Variants in GTF3C1 observed in about 807,000 individuals in gnomAD.
The protein encoded by GTF3C1 is general transcription factor IIIC subunit 1, also known as general transcription factor 3C polypeptide 1.
GTF3C1 carries 57 observed loss-of-function variants against 226.7 expected under a neutral mutation model. That is an observed-to-expected ratio of 0.25 (90% CI 0.20 to 0.31). The LOEUF is 0.31. Among genes scored for constraint, GTF3C1 ranks in the 10% least tolerant of loss-of-function variants. GTF3C1 has a pLI of 1.00. For missense variants in GTF3C1, 2,217 were observed against 2,776.1 expected, an observed-to-expected ratio of 0.80 and a Z score of 4.53; for synonymous variants, 1,090 against 1,084.8, an observed-to-expected ratio of 1.00 and a Z score of -0.09.
In GTF3C1 at chr16:27,482,890, C is replaced by A. The variant is rs1001921399; in HGVS notation, c.4083+154G>T. 2.6e-5 allele frequency among the ~76,000 whole-genome samples: 4 copies of A among 152,322 alleles called. No homozygotes were observed. The South Asian group carries it at 8.3e-4, about 32-fold the overall frequency. On this transcript the variant is annotated intron_variant, in intron 26 of 36. Coordinates refer to ENST00000356183, the MANE Select transcript of GTF3C1 (RefSeq NM_001520.4). ...AAGCCAGATCAAGTGAAGGCCAACA[C>A]CAGAGAGCTGACTCGGTGATTTCTC...
intron 1 of GTF3C1, 78 bp from the exon 2 acceptor site, chr16:27,545,601 C>A (rs2089151229): frequency 1.1e-5 from 9 of 808,688 alleles, no homozygotes; most frequent in South Asian, 1.0e-4. Flanking sequence ...CTTTTGACAA[C>A]CTCCAGCAGA....
At position 27,508,590 on chromosome 16, in the gene GTF3C1, GT is replaced by G; in HGVS notation, c.1191del (p.Lys397AsnfsTer2). On this transcript the variant is annotated frameshift_variant, in exon 8 of 37. Coordinates refer to ENST00000356183, the MANE Select transcript of GTF3C1 (RefSeq NM_001520.4). LOFTEE classifies it high-confidence loss of function. ...AEIRVAMNVGKLEARMLCRLL... is the reference protein window; with the variant it reads ...AEIRVAMNVGXLEARMLCRLL... ...AGTCGGCACAGCATTCTTGCTTCTA[GT>G]TTTCCCACATTCATAGCCACTCGGA... 1 of 1,614,160 alleles carries G rather than the reference GT, an allele frequency of 6.2e-7. No homozygotes were observed. The highest frequency in any genetic ancestry group is 8.5e-7 in the Non-Finnish European group (1 of 1,179,998).
Position 27,465,325 on chromosome 16 carries a change from T to G in GTF3C1, c.5290A>C (p.Arg1764=), listed in dbSNP as rs1047190781. ...CFGIDKEELR[R]RFSALEKAGG... The stretch of plus-strand genomic sequence containing the variant: ...GCCTTCTCCAAGGCCGAGAACCGTC[T>G]GCGCAGCTCCTCCTTGTCAATCCCA... Residue 1764 remains arginine, a synonymous_variant, in exon 33 of 37, where the codon AGA becomes CGA. Coordinates refer to ENST00000356183, the MANE Select transcript of GTF3C1 (RefSeq NM_001520.4). 6 of 1,614,154 alleles carry G rather than the reference T, an allele frequency of 3.7e-6. No homozygotes were observed. The highest frequency in any genetic ancestry group is 4.2e-6 in the Non-Finnish European group (5 of 1,180,008).
intron 10 of GTF3C1, among the ~76,000 whole-genome samples, chr16:27,504,275 C>A (rs2088451104): frequency 6.6e-6 from 1 of 152,136 alleles, no homozygotes. Context: ...GACTTTAAGA[C>A]CTGGTGGGAA....
chr16:27,518,738 T>C (rs747808053), intron 6 of GTF3C1, among the ~76,000 whole-genome samples: 26 of 152,132 alleles, frequency 1.7e-4, no homozygotes, highest in Non-Finnish European at 3.7e-4. Context: ...TCGGGCAGCA[T>C]AGGAAGGACA....
chr16:27,483,938 T>C lies in GTF3C1; in HGVS notation c.4001+273A>G, dbSNP rs184464535. On this transcript the variant is annotated intron_variant, in intron 25 of 36. Coordinates refer to ENST00000356183, the MANE Select transcript of GTF3C1 (RefSeq NM_001520.4). ...ACGTGGTACTTAGCGAGTCAGCCTA[T>C]CTAGTCTCCGCTTCTTCATCCAAAA... 2.0e-5 allele frequency among the ~76,000 whole-genome samples: 3 copies of C among 152,268 alleles called. No individual in the cohort carries two copies. The East Asian group carries it at 5.8e-4, about 29-fold the overall frequency.
Position 27,488,314 on chromosome 16 carries a change from G to C in GTF3C1, c.3613C>G (p.Arg1205Gly). 1 of 1,614,054 alleles carries C rather than the reference G, an allele frequency of 6.2e-7. No individual in the cohort carries two copies. The highest frequency in any genetic ancestry group is 1.1e-5 in the South Asian group (1 of 91,074). Residue 1205 changes from arginine to glycine, a missense_variant, in exon 23 of 37, where the codon CGA becomes GGA. Around this residue, in one of 12 missense-constraint regions of GTF3C1, gnomAD observed 546 missense variants for 663.0 expected, o/e 0.82. Coordinates refer to ENST00000356183, the MANE Select transcript of GTF3C1 (RefSeq NM_001520.4). ...FEVDREPSLD[R>G]NRRVRGGKSQ... ...TTCCCACCCCTCACTCTCCGGTTTC[G>C]GTCCAGCGAGGGCTCTCGGTCCACC...
chr16:27,482,355 G>A (rs1271997474), intron 26 of GTF3C1, among the ~76,000 whole-genome samples: 3 of 152,124 alleles, frequency 2.0e-5, no homozygotes, highest in Non-Finnish European at 2.9e-5. Flanking sequence ...GAAAAAGGAA[G>A]CTGTATACTC....
chr16:27,506,789 T>C (rs1287316469), intron 9 of GTF3C1, 58 bp downstream of exon 9: 1 of 1,318,236 alleles, frequency 7.6e-7, no homozygotes, highest in East Asian at 2.4e-5. Flanking sequence ...GGGGTGTTTC[T>C]TGCAGGTGCC....
Position 27,483,307 on chromosome 16 carries a change from C to A in GTF3C1, c.4002-182G>T, listed in dbSNP as rs935341071. 10 of 688,244 alleles carry A rather than the reference C, an allele frequency of 1.5e-5. No individual in the cohort carries two copies. In the African/African-American group the frequency reaches 1.8e-4, roughly 12 times the overall value. 42.6% of individuals were successfully genotyped at this position (688,244 alleles called of 1,614,324 possible). A position where few individuals can be genotyped will look rare whatever the true frequency, so the allele number is the denominator to read the frequency against. ...AGGATTTGGGGTCAGCCAAGCCTGA[C>A]CTCAGTCAGGTCTGTTCACACTTTA... On this transcript the variant is annotated intron_variant, in intron 25 of 36. Coordinates refer to ENST00000356183, the MANE Select transcript of GTF3C1 (RefSeq NM_001520.4).
rs569995876 is a variant in GTF3C1, at chr16:27,504,784, A to G, written c.1770+1115T>C. On this transcript the variant is annotated intron_variant, in intron 10 of 36. Transcript: ENST00000356183. ...ACAAAAATTAGCCAGGCGCAGTGGC[A>G]TATGCTTGCAGAAGAGGAAACCTGC... is the stretch of plus-strand genomic sequence containing the variant. Among the ~76,000 whole-genome samples, 263 of 152,248 alleles carry G rather than the reference A, an allele frequency of 1.7e-3. 2 individuals are homozygous for G. Among genetic ancestry groups the G allele is most frequent in the Middle Eastern group, 0.017 (5 of 294 alleles).
intron 1 of GTF3C1, among the ~76,000 whole-genome samples, chr16:27,547,139 C>G (rs1238963953): frequency 1.3e-5 from 2 of 152,164 alleles, no homozygotes; most frequent in Non-Finnish European, 2.9e-5. Context: ...CCGCCTCAGT[C>G]TTCTTTTGAA....
chr16:27,497,423 G>A (rs1456295408), intron 14 of GTF3C1, among the ~76,000 whole-genome samples: 1 of 152,214 alleles, frequency 6.6e-6, no homozygotes, highest in Non-Finnish European at 1.5e-5. Context: ...GCCTTGTAGG[G>A]TATGGCAGGC....
intron 21 of GTF3C1, 87 bp downstream of exon 21, chr16:27,488,956 T>C: frequency 1.6e-6 from 2 of 1,236,330 alleles, no homozygotes; most frequent in Non-Finnish European, 2.4e-6. Flanking sequence ...CGGAAGCCAG[T>C]ATTTGTGTCT....
intron 13 of GTF3C1, among the ~76,000 whole-genome samples, chr16:27,498,102 G>A (rs554843881): frequency 6.6e-5 from 10 of 152,306 alleles, no homozygotes; most frequent in African/African-American, 2.2e-4. Flanking sequence ...GTGCATCAAC[G>A]CTAGAAGTCA....
chr16:27,492,796 C>T lies in GTF3C1; in HGVS notation c.2877-83G>A, dbSNP rs1331780845. 12 of 806,336 alleles carry T rather than the reference C, an allele frequency of 1.5e-5. No homozygotes were observed. The highest frequency in any genetic ancestry group is 2.4e-5 in the East Asian group (1 of 41,200). The allele number at this position is 806,336 out of a possible 1,614,324, so 49.9% of individuals were successfully genotyped here. A position where few individuals can be genotyped will look rare whatever the true frequency, so the allele number is the denominator to read the frequency against. On this transcript the variant is annotated intron_variant, in intron 17 of 36. Transcript: ENST00000356183. This position sits in a 1 kb window ranked among gnomAD's most constrained non-coding sequence, Gnocchi z 5.0. ...GGGTCTGCATGTGGGGTGAGGGGTG[C>T]GACTTCCTTCTTCTCTTTTCCACCT...
chr16:27,484,301 G>A lies in GTF3C1; in HGVS notation c.3911C>T (p.Thr1304Met), dbSNP rs757085917. Residue 1304 changes from threonine to methionine, a missense_variant, in exon 25 of 37, where the codon ACG (threonine) becomes ATG (methionine). Transcript: ENST00000356183. ...WQVVRDILHATFEESLDKTSH... is the reference protein window; with the variant it reads ...WQVVRDILHAMFEESLDKTSH... ...TGTTTTATCCAAAGACTCTTCAAAC[G>A]TGGCATGCAAAATGTCCCGTACCAC... The A allele has an allele frequency of 1.6e-5, 26 of 1,606,740 alleles. No homozygotes were observed. The highest frequency in any genetic ancestry group is 2.0e-5 in the Non-Finnish European group (23 of 1,173,260).
At chr16:27,480,123 C>T (rs2088017512) in intron 27 of GTF3C1, among the ~76,000 whole-genome samples, 1 of 150,996 alleles carries the variant, frequency 6.6e-6, no homozygotes, top group African/African-American at 2.4e-5. Context: ...ATGACGTGAA[C>T]CTGGGAAGCG....
intron 14 of GTF3C1, among the ~76,000 whole-genome samples, chr16:27,497,239 A>AT: frequency 6.6e-6 from 1 of 152,356 alleles, no homozygotes; most frequent in African/African-American, 2.4e-5. Flanking sequence ...CTCTGAGGAA[A>AT]TTATAGGAGC....
Sources: gnomAD v4.1 joint callset for allele counts (sites outside exome capture counted in the v4.1 genomes callset) on GRCh38, gnomAD v4.1.1 for gene constraint, gnomAD v4.1.1 regional missense constraint, Gnocchi (gnomAD v3.1) non-coding constraint, MANE v1.5 for transcripts, NCBI Gene and HGNC (gene_info 2026-07-23, HGNC 2026-07-21) for gene names.